The following AGL variants were observed in gnomAD, a reference collection of about 807,000 sequenced individuals.
AGL encodes amylo-alpha-1,6-glucosidase and 4-alpha-glucanotransferase, also known as glycogen debranching enzyme.
Under a neutral mutation model 199.3 loss-of-function variants are expected in AGL, and 128 were observed. The observed-to-expected ratio is 0.64, with a 90% CI of 0.56 to 0.74. The LOEUF (loss-of-function observed/expected upper bound fraction) is 0.74, where lower values mean the gene tolerates loss of function less well. Ranked by LOEUF, AGL falls within the 30% of genes least tolerant of loss-of-function variation. The pLI is 0.00. For synonymous variants in AGL, 584 were observed against 594.7 expected, an observed-to-expected ratio of 0.98 and a Z score of 0.26; for missense variants, 1,809 against 1,820.8, an observed-to-expected ratio of 0.99 and a Z score of 0.12.
At chr1:99,853,972 C>A (rs1649195953) in intron 2 of AGL, among the ~76,000 whole-genome samples, 1 of 151,724 alleles carries the variant, frequency 6.6e-6, no homozygotes, top group Non-Finnish European at 1.5e-5. Context: ...TGTGGGTCAC[C>A]CCAGGTCAGG....
intron 26 of AGL, 29 bp downstream of exon 26, chr1:99,900,890 GTTTTT>G: frequency 1.5e-6 from 2 of 1,307,062 alleles, no homozygotes; most frequent in Non-Finnish European, 2.1e-6. Flanking sequence ...ATGTTTTTTT[GTTTTT>G]TTTTTTTTTT....
Position 99,857,107 on chromosome 1 carries a change from C to G in AGL, c.83-4396C>G, listed in dbSNP as rs556975380. The stretch of plus-strand genomic sequence containing the variant: ...CTCCCTCCCGGACGGGGCGGCTGGC[C>G]GGGCAGAGGGGCTCTTCACTTCCCA... On this transcript the variant is annotated intron_variant, in intron 2 of 33. Transcript: ENST00000361915. Among the ~76,000 whole-genome samples the G allele has an allele frequency of 1.4e-4, 21 of 149,118 alleles. No individual in the cohort carries two copies. The South Asian group carries it at 4.1e-3, about 29-fold the overall frequency.
chr1:99,915,365 A>G (rs367654415), intron 30 of AGL, 24 bp from the exon 31 acceptor site: 52 of 1,565,804 alleles, frequency 3.3e-5, no homozygotes, highest in Admixed American at 8.4e-5. Flanking sequence ...AAAAATTTGT[A>G]TATTTGTTTT....
chr1:99,856,398 C>T (rs1201549917), intron 2 of AGL, among the ~76,000 whole-genome samples: 3 of 135,878 alleles, frequency 2.2e-5, no homozygotes, highest in Admixed American at 7.8e-5. Flanking sequence ...CTCCCTCCTT[C>T]CTTCTTTCCT....
At chr1:99,858,894 A>G (rs535220023) in intron 2 of AGL, among the ~76,000 whole-genome samples, 1 of 152,030 alleles carries the variant, frequency 6.6e-6, no homozygotes, top group East Asian at 1.9e-4. Context: ...TATAATTTAC[A>G]TAATCTATGA....
chr1:99,857,258 G>T (rs916565582), intron 2 of AGL, among the ~76,000 whole-genome samples: 7 of 151,998 alleles, frequency 4.6e-5, no homozygotes, highest in Non-Finnish European at 1.0e-4. Context: ...ACGATGGGCG[G>T]CCGGGCAGAG....
chr1:99,865,130 T>TGCTCAGTTATCAGATAAAAAAACACA (rs1553183775), intron 5 of AGL, among the ~76,000 whole-genome samples: 6 of 152,156 alleles, frequency 3.9e-5, no homozygotes, highest in Non-Finnish European at 2.9e-5. Context: ...CTTAATAGCC[T>TGCTCAGTTATCAGATAAAAAAACACA]GCTCAGTTAT....
Position 99,856,476 on chromosome 1 carries a change from TGGGTGTTTCTCGCAGAGGG to T in AGL, c.83-5024_83-5006del, listed in dbSNP as rs578028539. Among the ~76,000 whole-genome samples, 1,387 of 151,634 alleles carry T rather than the reference TGGGTGTTTCTCGCAGAGGG, an allele frequency of 9.1e-3. 30 individuals carry two copies. Among genetic ancestry groups the T allele is most frequent in the African/African-American group, 0.032 (1,307 of 41,240 alleles). On this transcript the variant is annotated intron_variant, in intron 2 of 33. Transcript: ENST00000361915. The stretch of plus-strand genomic sequence containing the variant: ...TTTATTTATTTTTATTGATCATTCT[TGGGTGTTTCTCGCAGAGGG>T]GGATTTGGCAGGGTCATAAGACAAT...
intron 5 of AGL, among the ~76,000 whole-genome samples, chr1:99,865,892 G>A (rs974043924): frequency 6.6e-6 from 1 of 152,182 alleles, no homozygotes; most frequent in African/African-American, 2.4e-5. Flanking sequence ...TGGTGTTTCT[G>A]CATGTACCTA....
chr1:99,863,598 C>A (rs138969607), intron 4 of AGL, among the ~76,000 whole-genome samples: 1 of 151,872 alleles, frequency 6.6e-6, no homozygotes, highest in Non-Finnish European at 1.5e-5. Context: ...GGACTGCAGG[C>A]GCCTGCCACC....
At chr1:99,863,329 A>T (rs1292722102) in intron 4 of AGL, among the ~76,000 whole-genome samples, 1 of 152,176 alleles carries the variant, frequency 6.6e-6, no homozygotes, top group Non-Finnish European at 1.5e-5. Context: ...TCCATAATGA[A>T]ACACTTATCA....
At chr1:99,881,947 T>C (rs1348199556) in intron 17 of AGL, among the ~76,000 whole-genome samples, 3 of 151,680 alleles carry the variant, frequency 2.0e-5, no homozygotes, top group African/African-American at 7.3e-5. Context: ...AGTCTCAGCA[T>C]TATGGTAACA....
intron 7 of AGL, among the ~76,000 whole-genome samples, chr1:99,872,778 C>T (rs1327851488): frequency 1.3e-5 from 2 of 152,194 alleles, no homozygotes; most frequent in Admixed American, 6.5e-5. Context: ...CTGCCTGCCT[C>T]AGCCTCCCAA....
chr1:99,900,364 A>T (rs1347349966), intron 25 of AGL, among the ~76,000 whole-genome samples: 2 of 152,186 alleles, frequency 1.3e-5, no homozygotes, highest in Non-Finnish European at 2.9e-5. Context: ...AGGGACCTTA[A>T]AAATCACCCA....
In AGL at chr1:99,874,753, G is replaced by C; in HGVS notation, c.1025G>C (p.Arg342Thr). Residue 342 changes from arginine (R) to threonine (T), a missense_variant, in exon 8 of 34, where the codon AGA becomes ACA. Transcript: ENST00000361915. ...ACGATTATTCAAGATCCTGAATACAGACGGTTTGGCTGTACTGTAGATATG... is the reference window on the plus strand; with the variant it reads ...ACGATTATTCAAGATCCTGAATACACACGGTTTGGCTGTACTGTAGATATG... The part of the protein sequence containing the change: ...HLTIIQDPEY[R>T]RFGCTVDMNI... 6.2e-7 allele frequency: 1 copy of C among 1,603,022 alleles called. No homozygotes were observed. The highest frequency in any genetic ancestry group is 8.5e-7 in the Non-Finnish European group (1 of 1,173,446).
intron 27 of AGL, among the ~76,000 whole-genome samples, chr1:99,909,279 A>G (rs1042937535): frequency 2.0e-5 from 3 of 152,036 alleles, no homozygotes; most frequent in Non-Finnish European, 2.9e-5. Context: ...CTGCCACCCC[A>G]AGGCCACCTA....
intron 7 of AGL, among the ~76,000 whole-genome samples, chr1:99,873,485 A>G (rs1651205987): frequency 6.6e-6 from 1 of 150,884 alleles, no homozygotes; most frequent in South Asian, 2.1e-4. Flanking sequence ...CCTAGGCTAA[A>G]GTGCAGTGGT....
Position 99,888,230 on chromosome 1 carries a change from T to G in AGL, c.2812+122T>G. The G allele has an allele frequency of 3.9e-6, 5 of 1,269,838 alleles. No homozygotes were observed. In the Admixed American group the frequency reaches 9.5e-5, roughly 24 times the overall value. The allele number at this position is 1,269,838 out of a possible 1,614,324, so 78.7% of individuals were successfully genotyped here. A position where few individuals can be genotyped will look rare whatever the true frequency, so the allele number is the denominator to read the frequency against. On this transcript the variant is annotated intron_variant, in intron 21 of 33. Coordinates refer to ENST00000361915, the MANE Select transcript of AGL (RefSeq NM_000642.3). Reference sequence around the variant, plus strand: ...CTTGGGTTGCAATTATGGCTCTGCTTCTGCTCATTAATTGACCTTTGGCAA... The same window carrying G: ...CTTGGGTTGCAATTATGGCTCTGCTGCTGCTCATTAATTGACCTTTGGCAA...
chr1:99,915,770 TAAA>T (rs1027377363), intron 31 of AGL, among the ~76,000 whole-genome samples: 2 of 151,206 alleles, frequency 1.3e-5, no homozygotes, highest in African/African-American at 4.9e-5. Flanking sequence ...GACACTGTAT[TAAA>T]ACACACACAC....
Sources: allele counts gnomAD v4.1 joint callset (sites outside exome capture counted in the v4.1 genomes callset), GRCh38; gene constraint gnomAD v4.1.1; transcripts MANE v1.5; gene names NCBI Gene and HGNC (gene_info 2026-07-23, HGNC 2026-07-21).